IFT25: variants seen among roughly 807,000 people sequenced by gnomAD.
IFT25 encodes the protein intraflagellar transport protein 25 homolog.
the IFT25 span, among the ~76,000 whole-genome samples, chr1:53,923,011 G>GC: frequency 6.6e-6 from 1 of 152,176 alleles, no homozygotes; most frequent in Admixed American, 6.5e-5. Context: ...ACGAAAGGTA[G>GC]CAGGGGCTTA....
chr1:53,930,737 G>A, the IFT25 span, among the ~76,000 whole-genome samples: 2 of 152,030 alleles, frequency 1.3e-5, no homozygotes, highest in Admixed American at 1.3e-4. Flanking sequence ...ACTAGATGCT[G>A]AGCTCTGAGT....
chr1:53,923,513 C>A, the IFT25 span: 1 of 189,126 alleles, frequency 5.3e-6, no homozygotes, highest in Non-Finnish European at 1.1e-5. Flanking sequence ...TCTAGTTCCC[C>A]TTATATGAAT....
chr1:53,914,503 T>C, the IFT25 span, among the ~76,000 whole-genome samples: 1 of 152,024 alleles, frequency 6.6e-6, no homozygotes, highest in Non-Finnish European at 1.5e-5. Flanking sequence ...CATATCCCAT[T>C]ATAAAATGAT....
At chr1:53,941,293 T>A in the IFT25 span, among the ~76,000 whole-genome samples, 1 of 152,142 alleles carries the variant, frequency 6.6e-6, no homozygotes, top group Non-Finnish European at 1.5e-5. Flanking sequence ...GCGCCCGGCT[T>A]GCACAGGCTA....
the IFT25 span, chr1:53,924,023 G>A: frequency 1.1e-6 from 1 of 888,756 alleles, no homozygotes; most frequent in African/African-American, 1.7e-5. Context: ...TTTATGTTCA[G>A]CAAAATATGA....
the IFT25 span, among the ~76,000 whole-genome samples, chr1:53,919,090 C>T: frequency 6.6e-5 from 10 of 152,300 alleles, 1 homozygote; most frequent in Middle Eastern, 6.8e-3. Context: ...TTGCCCACCT[C>T]GGCCTCCCTA....
chr1:53,943,517 G>A, the IFT25 span, among the ~76,000 whole-genome samples: 1 of 152,166 alleles, frequency 6.6e-6, no homozygotes, highest in East Asian at 1.9e-4. Context: ...ATACGGGACA[G>A]CACATCCTCA....
chr1:53,928,549 A>G, the IFT25 span: 1 of 707,740 alleles, frequency 1.4e-6, no homozygotes, highest in Non-Finnish European at 2.4e-6. Flanking sequence ...AACTACACAG[A>G]GCACTGGGAT....
chr1:53,929,248 T>A, the IFT25 span, among the ~76,000 whole-genome samples: 2 of 152,188 alleles, frequency 1.3e-5, no homozygotes, highest in Non-Finnish European at 2.9e-5. Flanking sequence ...TTTGACAGTT[T>A]CTCCTGCCTA....
the IFT25 span, chr1:53,921,522 C>T: frequency 4.5e-6 from 3 of 666,452 alleles, no homozygotes; most frequent in African/African-American, 3.7e-5. Context: ...TTCCTTTACC[C>T]CAAATATTGA....
the IFT25 span, among the ~76,000 whole-genome samples, chr1:53,912,718 G>T: frequency 6.6e-6 from 1 of 152,192 alleles, no homozygotes; most frequent in Admixed American, 6.5e-5. Context: ...AGAGGTTTGG[G>T]TTCAATTCCA....
At chr1:53,923,880 A>G in the IFT25 span, 1 of 1,430,602 alleles carries the variant, frequency 7.0e-7, no homozygotes, top group Non-Finnish European at 9.9e-7. Context: ...TTAATTTTTA[A>G]TTCTATAAAG....
At chr1:53,940,497 G>T in the IFT25 span, among the ~76,000 whole-genome samples, 1 of 151,974 alleles carries the variant, frequency 6.6e-6, no homozygotes, top group East Asian at 1.9e-4. Flanking sequence ...CAAGAACACA[G>T]ATTTAAGCAA....
At chr1:53,921,741 CAAGT>C in the IFT25 span, 22 of 1,613,490 alleles carry the variant, frequency 1.4e-5, no homozygotes, top group Admixed American at 3.3e-5. Flanking sequence ...TAATGAATCT[CAAGT>C]AAGTAGCGGA....
At chr1:53,937,680 A>G in the IFT25 span, among the ~76,000 whole-genome samples, 7 of 152,252 alleles carry the variant, frequency 4.6e-5, no homozygotes, top group Non-Finnish European at 2.9e-5. Context: ...CTCGCTTGAG[A>G]GAAAGATCAC....
At chr1:53,945,283 G>A in the IFT25 span, among the ~76,000 whole-genome samples, 2 of 152,194 alleles carry the variant, frequency 1.3e-5, no homozygotes, top group African/African-American at 4.8e-5. Context: ...AATTAATTTC[G>A]ATTTACAACT....
At chr1:53,940,276 A>T in the IFT25 span, among the ~76,000 whole-genome samples, 9 of 152,222 alleles carry the variant, frequency 5.9e-5, no homozygotes, top group African/African-American at 2.2e-4. Flanking sequence ...GGGATAATCT[A>T]TAAGACATGA....
the IFT25 span, among the ~76,000 whole-genome samples, chr1:53,936,702 G>T: frequency 6.6e-6 from 1 of 151,776 alleles, no homozygotes; most frequent in Non-Finnish European, 1.5e-5. Context: ...ACTTACCCAG[G>T]AATTTTAATT....
At chr1:53,919,796 C>CTT in the IFT25 span, among the ~76,000 whole-genome samples, 319 of 145,644 alleles carry the variant, frequency 2.2e-3, 1 homozygote, top group African/African-American at 7.3e-3. Context: ...AACTTTTTTC[C>CTT]TTTTTTTTTT....
Sources: allele counts gnomAD v4.1 joint callset (sites outside exome capture counted in the v4.1 genomes callset), GRCh38; gene constraint gnomAD v4.1.1; transcripts MANE v1.5; gene names NCBI Gene and HGNC (gene_info 2026-07-23, HGNC 2026-07-21).